Variants in ABI3BP observed in about 807,000 individuals in gnomAD.
ABI3BP encodes the protein target of Nesh-SH3.
ABI3BP carries 216 observed loss-of-function variants against 268.6 expected under a neutral mutation model. That is an observed-to-expected ratio of 0.80 (90% confidence interval 0.72 to 0.90). The LOEUF is 0.90. ABI3BP is among the 40% of genes least tolerant of loss of function. The pLI is 0.00. For missense variants in ABI3BP, 2,090 were observed against 2,182.4 expected, an observed-to-expected ratio of 0.96 and a Z score of 0.84; for synonymous variants, 730 against 730.0, an observed-to-expected ratio of 1.00 and a Z score of 0.00.
At chr3:100,807,740 T>C (rs548516566) in intron 50 of ABI3BP, among the ~76,000 whole-genome samples, 2 of 152,172 alleles carry the variant, frequency 1.3e-5, no homozygotes, top group Admixed American at 1.3e-4. Flanking sequence ...CCTTTGCCGG[T>C]ATCCTGGGTG....
At chr3:100,883,017 T>C (rs1454014546) in intron 6 of ABI3BP, among the ~76,000 whole-genome samples, 2 of 152,150 alleles carry the variant, frequency 1.3e-5, no homozygotes, top group African/African-American at 4.8e-5. Context: ...TATACAATGT[T>C]GACTGGATTT....
intron 57 of ABI3BP, among the ~76,000 whole-genome samples, chr3:100,785,374 A>G (rs2097001067): frequency 6.6e-6 from 1 of 152,204 alleles, no homozygotes; most frequent in South Asian, 2.1e-4. Flanking sequence ...TCTGATCAAA[A>G]CTATGCAGAA....
At chr3:100,859,364 A>C (rs568915704) in intron 14 of ABI3BP, among the ~76,000 whole-genome samples, 1 of 152,260 alleles carries the variant, frequency 6.6e-6, no homozygotes, top group East Asian at 1.9e-4. Flanking sequence ...AAAAACTGCA[A>C]TTACGTTTGC....
chr3:100,973,453 A>G (rs2084670658), intron 1 of ABI3BP, among the ~76,000 whole-genome samples: 1 of 152,180 alleles, frequency 6.6e-6, no homozygotes, highest in African/African-American at 2.4e-5. Context: ...GGTTTTTTCA[A>G]TGAGAAAAAT....
intron 51 of ABI3BP, among the ~76,000 whole-genome samples, chr3:100,803,893 T>C (rs893161833): frequency 1.3e-5 from 2 of 152,208 alleles, no homozygotes; most frequent in African/African-American, 4.8e-5. Flanking sequence ...AGCCTTTGCT[T>C]ATACAATCTG....
intron 55 of ABI3BP, among the ~76,000 whole-genome samples, chr3:100,789,883 T>C (rs537662750): frequency 1.3e-5 from 2 of 151,898 alleles, no homozygotes; most frequent in Non-Finnish European, 2.9e-5. Flanking sequence ...ATCTAATCTC[T>C]CAGTGAAGAG....
At chr3:100,818,391 A>T in intron 41 of ABI3BP, 134 bp downstream of exon 41, 1 of 791,222 alleles carries the variant, frequency 1.3e-6, no homozygotes, top group Non-Finnish European at 2.0e-6. Flanking sequence ...AGCCTAGCAT[A>T]ATTTCAAGAT....
intron 2 of ABI3BP, among the ~76,000 whole-genome samples, chr3:100,910,638 G>A (rs2056007971): frequency 6.6e-6 from 1 of 151,756 alleles, no homozygotes; most frequent in Non-Finnish European, 1.5e-5. Flanking sequence ...TCCTCCCTAA[G>A]TGCTGGAATT....
intron 1 of ABI3BP, among the ~76,000 whole-genome samples, chr3:100,959,219 G>C (rs1020394667): frequency 6.6e-6 from 1 of 152,068 alleles, no homozygotes; most frequent in Non-Finnish European, 1.5e-5. Context: ...GGCCGGGCGC[G>C]GTGGCTCACG....
intron 4 of ABI3BP, among the ~76,000 whole-genome samples, chr3:100,898,399 C>T (rs1453192395): frequency 2.6e-5 from 4 of 152,218 alleles, no homozygotes; most frequent in Non-Finnish European, 4.4e-5. Flanking sequence ...GATTTAAGAG[C>T]TTCAATTGTG....
chr3:100,834,073 C>T (rs370310209), intron 29 of ABI3BP, among the ~76,000 whole-genome samples: 24 of 152,086 alleles, frequency 1.6e-4, no homozygotes, highest in East Asian at 9.6e-4. Context: ...TGGGCTCAAG[C>T]GATCCTCCCA....
intron 9 of ABI3BP, among the ~76,000 whole-genome samples, chr3:100,873,508 C>T (rs1238277197): frequency 6.6e-6 from 1 of 152,112 alleles, no homozygotes; most frequent in Non-Finnish European, 1.5e-5. Context: ...TCAGGAACAT[C>T]AAGGGTTTGT....
At chr3:100,800,958 T>C (rs1052704638) in intron 51 of ABI3BP, among the ~76,000 whole-genome samples, 35 of 152,222 alleles carry the variant, frequency 2.3e-4, no homozygotes, top group African/African-American at 6.3e-4. Context: ...CATTAATTAC[T>C]GAGATTTGCC....
chr3:100,798,458 C>T (rs1417263872), intron 51 of ABI3BP, among the ~76,000 whole-genome samples: 1 of 151,970 alleles, frequency 6.6e-6, no homozygotes, highest in Non-Finnish European at 1.5e-5. Flanking sequence ...AGAGCACGGT[C>T]CCTAAAACGT....
intron 21 of ABI3BP, among the ~76,000 whole-genome samples, chr3:100,841,337 G>C (rs9864919): frequency 6.6e-6 from 1 of 150,746 alleles, no homozygotes; most frequent in Non-Finnish European, 1.5e-5. Context: ...GCAAAAGTTA[G>C]AGTTTTGAAA....
Position 100,907,371 on chromosome 3 carries a change from G to A in ABI3BP, c.260-4685C>T, listed in dbSNP as rs1482745028. Among the ~76,000 whole-genome samples, 3 of 152,096 alleles carry A rather than the reference G, an allele frequency of 2.0e-5. No individual in the cohort carries two copies. In the East Asian group the frequency reaches 5.8e-4, roughly 29 times the overall value. On this transcript the variant is annotated intron_variant, in intron 2 of 67. Coordinates refer to ENST00000471714, the MANE Select transcript of ABI3BP (RefSeq NM_001375547.2). ...TATCCATGCATTGTGATGGGCACCTGTAGTCCCAGCTACTCAGGAGGCTGA... is the reference window on the plus strand; with the variant it reads ...TATCCATGCATTGTGATGGGCACCTATAGTCCCAGCTACTCAGGAGGCTGA...
chr3:100,768,837 A>T (rs1327075455), intron 62 of ABI3BP, among the ~76,000 whole-genome samples: 1 of 152,220 alleles, frequency 6.6e-6, no homozygotes, highest in Non-Finnish European at 1.5e-5. Context: ...TATGATGCTG[A>T]TAACTAACAA....
Position 100,792,733 on chromosome 3 carries a change from T to C in ABI3BP, c.3982A>G (p.Thr1328Ala), listed in dbSNP as rs774003781. The C allele has an allele frequency of 8.7e-6, 14 of 1,611,668 alleles. No individual in the cohort carries two copies. In the South Asian group the frequency reaches 1.3e-4, roughly 15 times the overall value. ...TDQSTQEPFT[T>A]KIPRTTELAK... is the part of the protein sequence containing the mutation. Reference sequence around the variant, plus strand: ...AGTTCAGTTGTTCGTGGAATCTTAGTTGTGAAAGGTTCTTGGGTGGATTGG... The same window carrying C: ...AGTTCAGTTGTTCGTGGAATCTTAGCTGTGAAAGGTTCTTGGGTGGATTGG... The change falls in exon 55 of 68, where the codon ACT (threonine) becomes GCT (alanine). Residue 1328 changes from threonine (T) to alanine (A), a missense_variant. Thr to Ala is a moderately conservative substitution (Grantham distance 58). Coordinates refer to ENST00000471714, the MANE Select transcript of ABI3BP (RefSeq NM_001375547.2).
At chr3:100,794,242 C>T (rs1237077992) in intron 54 of ABI3BP, among the ~76,000 whole-genome samples, 1 of 151,930 alleles carries the variant, frequency 6.6e-6, no homozygotes, top group African/African-American at 2.4e-5. Context: ...TCCTAGGCAC[C>T]CTGTCGGCTG....
Sources: allele counts gnomAD v4.1 joint callset (sites outside exome capture counted in the v4.1 genomes callset), GRCh38; gene constraint gnomAD v4.1.1; transcripts MANE v1.5; gene names NCBI Gene and HGNC (gene_info 2026-07-23, HGNC 2026-07-21).